The following SRRM4 variants were observed in gnomAD, a reference collection of about 807,000 sequenced individuals.
The protein encoded by SRRM4 is serine/arginine repetitive matrix 4.
SRRM4 carries 33 observed loss-of-function variants against 68.9 expected under a neutral mutation model. That is an observed-to-expected ratio of 0.48 (90% CI 0.36 to 0.64). SRRM4 has a LOEUF of 0.64. Among genes scored for constraint, SRRM4 ranks in the 30% least tolerant of loss-of-function variants. The probability of loss-of-function intolerance (pLI) is 0.00; values close to 1 mark genes in which losing one functional copy is unlikely to be tolerated. For synonymous variants in SRRM4, 318 were observed against 318.8 expected (o/e 1.00, Z 0.03); for missense variants, 817 against 827.1 (o/e 0.99, Z 0.15).
intron 7 of SRRM4, among the ~76,000 whole-genome samples, chr12:119,128,626 A>G (rs1162273392): frequency 6.6e-6 from 1 of 152,230 alleles, no homozygotes; most frequent in Admixed American, 6.5e-5. Context: ...GATCTGTTAC[A>G]GCAGAGACAA....
intron 7 of SRRM4, among the ~76,000 whole-genome samples, chr12:119,129,975 GGATGGAT>G: frequency 6.7e-6 from 1 of 148,382 alleles, no homozygotes; most frequent in Non-Finnish European, 1.5e-5. Context: ...ATGGATGGAT[GGATGGAT>G]GGATGGATGG....
At chr12:119,064,713 T>C (rs1953834832) in intron 1 of SRRM4, among the ~76,000 whole-genome samples, 1 of 152,204 alleles carries the variant, frequency 6.6e-6, no homozygotes, top group Admixed American at 6.5e-5. Flanking sequence ...TATATAAATG[T>C]ACTTTGGAAT....
chr12:118,991,184 C>A (rs1057041114), intron 1 of SRRM4, among the ~76,000 whole-genome samples: 13 of 152,320 alleles, frequency 8.5e-5, no homozygotes, highest in Non-Finnish European at 1.5e-4. Context: ...GCCCACCTCC[C>A]TGAGACCATT....
rs892777980 is a variant in SRRM4 at position 119,157,008 on chromosome 12, G to A, written c.*210G>A. ...TCTACCAGCATCATCCTGGGGCCCA[G>A]CTCAGGCCTGGGCATATGGAAAGAA... On this transcript the variant is annotated 3_prime_UTR_variant, in exon 13 of 13. Coordinates refer to ENST00000267260, the MANE Select transcript of SRRM4 (RefSeq NM_194286.4). The surrounding 1 kb of genome is among the most constrained non-coding windows in gnomAD (Gnocchi z 4.1). The A allele has an allele frequency of 5.4e-5, 31 of 578,206 alleles. No homozygotes were observed. The African/African-American group carries it at 5.5e-4, about 10-fold the overall frequency. 35.8% of individuals were successfully genotyped at this position (578,206 alleles called of 1,614,324 possible).
intron 7 of SRRM4, among the ~76,000 whole-genome samples, chr12:119,128,748 A>T (rs935615997): frequency 2.6e-5 from 4 of 152,130 alleles, no homozygotes; most frequent in Non-Finnish European, 4.4e-5. Flanking sequence ...CTTCACCTAC[A>T]CCCCAGGCTG....
At chr12:119,025,209 G>A (rs1275131454) in intron 1 of SRRM4, among the ~76,000 whole-genome samples, 6 of 152,080 alleles carry the variant, frequency 3.9e-5, no homozygotes, top group Non-Finnish European at 8.8e-5. Flanking sequence ...AGCCAAACAT[G>A]GAGTGTAGGG....
chr12:119,061,241 G>A (rs1953810174), intron 1 of SRRM4, among the ~76,000 whole-genome samples: 1 of 152,202 alleles, frequency 6.6e-6, no homozygotes. Context: ...TTTCCCGCAT[G>A]TTAATTATCT....
intron 1 of SRRM4, among the ~76,000 whole-genome samples, chr12:119,053,639 C>T (rs1245184168): frequency 1.3e-5 from 2 of 152,318 alleles, no homozygotes; most frequent in East Asian, 3.9e-4. Context: ...GTGGAAACAC[C>T]TGCTGTGCGT....
At chr12:119,130,343 G>C (rs1285451847) in intron 7 of SRRM4, among the ~76,000 whole-genome samples, 1 of 150,598 alleles carries the variant, frequency 6.6e-6, no homozygotes, top group Non-Finnish European at 1.5e-5. Flanking sequence ...TACATGATTG[G>C]TTGGATTGAT....
At position 119,017,242 on chromosome 12, in the gene SRRM4, G is replaced by A. The variant is rs190988395; in HGVS notation, c.131+35229G>A. On this transcript the variant is annotated intron_variant, in intron 1 of 12. Transcript: ENST00000267260. The stretch of plus-strand genomic sequence containing the variant: ...ATGAATGAAACCCATCAAGTGCATC[G>A]TGGTAGAAAAGTCACTCTCCCTTTT... Among the ~76,000 whole-genome samples the A allele has an allele frequency of 3.0e-3, 464 of 152,302 alleles. 3 individuals carry two copies. Among genetic ancestry groups the A allele is most frequent in the Non-Finnish European group, 4.9e-3 (335 of 68,028 alleles).
At chr12:119,151,248 C>T in intron 10 of SRRM4, 28 bp downstream of exon 10, 1 of 1,586,550 alleles carries the variant, frequency 6.3e-7, no homozygotes, top group Non-Finnish European at 8.7e-7. Context: ...CTTTGCTCTG[C>T]AGCACCTTTC....
intron 1 of SRRM4, among the ~76,000 whole-genome samples, chr12:119,079,482 A>T (rs573102825): frequency 2.7e-4 from 41 of 152,322 alleles, no homozygotes; most frequent in African/African-American, 9.9e-4. Flanking sequence ...TAGCAGGGAT[A>T]CTTGTCAGAG....
intron 7 of SRRM4, among the ~76,000 whole-genome samples, chr12:119,127,908 T>C (rs1592909369): frequency 6.6e-6 from 1 of 152,200 alleles, no homozygotes; most frequent in Admixed American, 6.5e-5. Context: ...CTACGTGCTA[T>C]GCTGGTGCTT....
At chr12:119,127,312 G>A (rs1262836396) in intron 7 of SRRM4, among the ~76,000 whole-genome samples, 1 of 152,162 alleles carries the variant, frequency 6.6e-6, no homozygotes, top group African/African-American at 2.4e-5. Context: ...GATGTGAGGA[G>A]CTGCTTTTTT....
Position 119,102,245 on chromosome 12 carries a change from C to T in SRRM4, c.141C>T (p.Pro47=). 2 of 1,612,804 alleles carry T rather than the reference C, an allele frequency of 1.2e-6. No individual in the cohort carries two copies. Among genetic ancestry groups the T allele is most frequent in the Non-Finnish European group, 1.7e-6 (2 of 1,179,330 alleles). The change falls in exon 2 of 13, where the codon CCC becomes CCT. Residue 47 remains proline (P), a synonymous_variant. Transcript: ENST00000267260. Reference sequence around the variant, plus strand: ...ATTTCTTCTTCTGTAGGACAGAGCCCCAGAATAACCCCGTTGTCCCAGCTC... The same window carrying T: ...ATTTCTTCTTCTGTAGGACAGAGCCTCAGAATAACCCCGTTGTCCCAGCTC... The part of the protein sequence containing the change: ...TARKPLPRTE[P]QNNPVVPAQD...
intron 1 of SRRM4, among the ~76,000 whole-genome samples, chr12:119,043,791 C>A (rs963417576): frequency 5.9e-5 from 9 of 151,736 alleles, no homozygotes; most frequent in South Asian, 2.1e-4. Flanking sequence ...CACACACACA[C>A]ACACACACAC....
At chr12:119,026,005 G>C (rs1298273973) in intron 1 of SRRM4, among the ~76,000 whole-genome samples, 2 of 152,006 alleles carry the variant, frequency 1.3e-5, no homozygotes, top group Non-Finnish European at 1.5e-5. Flanking sequence ...CCATTGGCTG[G>C]AAGCAACCTG....
chr12:118,994,650 G>A lies in SRRM4; in HGVS notation c.131+12637G>A, dbSNP rs1008160889. ...GAAGACTTCTGGCTTTGCAGTTAAT[G>A]TGCTTGGGCTTGAATTCTACTCCAC... is the stretch of plus-strand genomic sequence containing the variant. On this transcript the variant is annotated intron_variant, in intron 1 of 12. Transcript: ENST00000267260. Among the ~76,000 whole-genome samples, 3 of 152,194 alleles carry A rather than the reference G, an allele frequency of 2.0e-5. No homozygotes were observed. The East Asian group carries it at 5.8e-4, about 29-fold the overall frequency.
At position 119,145,392 on chromosome 12, in the gene SRRM4, G is replaced by A. The variant is rs1055768388; in HGVS notation, c.783G>A (p.Ser261=). The A allele has an allele frequency of 6.2e-6, 10 of 1,602,948 alleles. No individual in the cohort carries two copies. The highest frequency in any genetic ancestry group is 2.2e-5 in the East Asian group (1 of 44,516). ...CTTTTTGCTTTCAGATCACTGGGTC[G>A]GGGTCTGCTGCTGACCTCTTTACCA... is the stretch of plus-strand genomic sequence containing the variant. The part of the protein sequence containing the change: ...YLSARGVITG[S]GSAADLFTKT... The change falls in exon 9 of 13, where the codon TCG becomes TCA. Residue 261 remains serine, a synonymous_variant. Transcript: ENST00000267260.
Sources: allele counts gnomAD v4.1 joint callset (sites outside exome capture counted in the v4.1 genomes callset), GRCh38; gene constraint gnomAD v4.1.1; non-coding constraint Gnocchi (gnomAD v3.1); transcripts MANE v1.5; gene names NCBI Gene and HGNC (gene_info 2026-07-23, HGNC 2026-07-21).